Variants in ZNF592 observed in about 807,000 individuals in gnomAD.
ZNF592 encodes the protein zinc finger protein 592.
A neutral mutation model predicts 80.3 loss-of-function variants in ZNF592; 11 were observed. The ratio of observed to expected loss-of-function variants is 0.14; its 90% CI spans 0.09 to 0.23. The LOEUF is 0.23. ZNF592 is among the 10% of genes least tolerant of loss of function. The pLI, the probability that ZNF592 is intolerant of heterozygous loss-of-function variation, is 1.00. For missense variants in ZNF592, 1,420 were observed against 1,633.9 expected, an observed-to-expected ratio of 0.87 and a Z score of 2.26; for synonymous variants, 646 against 640.3, an observed-to-expected ratio of 1.01 and a Z score of -0.13.
At chr15:84,797,160 A>G (rs1432342783) in intron 5 of ZNF592, among the ~76,000 whole-genome samples, 3 of 152,172 alleles carry the variant, frequency 2.0e-5, no homozygotes, top group Non-Finnish European at 2.9e-5. Flanking sequence ...GGGTTTTGCT[A>G]TGTCGGCCAT....
chr15:84,783,755 C>G lies in ZNF592; in HGVS notation c.1080C>G (p.Gly360=). The G allele has an allele frequency of 6.2e-7, 1 of 1,614,226 alleles. No homozygotes were observed. The highest frequency in any genetic ancestry group is 1.3e-5 in the African/African-American group (1 of 75,056). The change falls in exon 4 of 11, where the codon GGC becomes GGG. Residue 360 remains glycine (G), a synonymous_variant. Transcript: ENST00000560079. This position sits in a 1 kb window ranked among gnomAD's most constrained non-coding sequence, Gnocchi z 5.0. ...RSICSDSSSK[G]SPSVAASSPP... ...TCTGCAGTGACAGCAGCAGCAAAGG[C>G]TCACCGTCTGTGGCTGCCAGCTCCC... is the stretch of plus-strand genomic sequence containing the variant.
chr15:84,782,844 T>C lies in ZNF592; in HGVS notation c.169T>C (p.Ser57Pro), dbSNP rs145206161. 6.2e-7 allele frequency: 1 copy of C among 1,613,972 alleles called. No individual in the cohort carries two copies. The highest frequency in any genetic ancestry group is 1.3e-5 in the African/African-American group (1 of 74,872). The change falls in exon 4 of 11, where the codon TCA becomes CCA. Residue 57 changes from serine (S) to proline (P), a missense_variant. Coordinates refer to ENST00000560079, the MANE Select transcript of ZNF592 (RefSeq NM_014630.3). Reference protein sequence around the residue: ...CMDESVSLSHSGSAPDVPAVS... With the variant: ...CMDESVSLSHPGSAPDVPAVS... ...GGATGAAAGTGTGTCCTTGTCTCAC[T>C]CAGGATCAGCCCCCGATGTGCCGGC...
rs769350772 is a variant in ZNF592 at position 84,783,891 on chromosome 15, G to A, written c.1216G>A (p.Val406Ile). 3 of 1,614,178 alleles carry A rather than the reference G, an allele frequency of 1.9e-6. No individual in the cohort carries two copies. The highest frequency in any genetic ancestry group is 2.2e-5 in the South Asian group (2 of 91,084). ...TCCTGATGATCCAAGTAAGTCCCCT[G>A]TTGGGTCACCTCTAGGGAGCGCCAT... ...PDPDDPSKSP[V>I]GSPLGSAIAE... Residue 406 changes from valine to isoleucine, a missense_variant, in exon 4 of 11, where the codon GTT (valine) becomes ATT (isoleucine). Physicochemically the swap from Val to Ile is conservative, Grantham distance 29 (BLOSUM62 3). This residue lies in a region of ZNF592 where 524 missense variants were observed against 628.3 expected (regional missense o/e 0.83). Transcript: ENST00000560079. This position sits in a 1 kb window ranked among gnomAD's most constrained non-coding sequence, Gnocchi z 5.0.
At chr15:84,764,594 G>T (rs1193570862) in intron 1 of ZNF592, 113 bp from the exon 2 acceptor site, 1 of 390,080 alleles carries the variant, frequency 2.6e-6, no homozygotes, top group Admixed American at 4.5e-5. Flanking sequence ...TTTTTCTCAG[G>T]GTCTTACTTA....
At chr15:84,801,364 G>T (rs555277707) in intron 10 of ZNF592, among the ~76,000 whole-genome samples, 11 of 152,208 alleles carry the variant, frequency 7.2e-5, no homozygotes, top group African/African-American at 2.6e-4. Context: ...GCTGGGTTTG[G>T]TGATGTTCAC....
chr15:84,771,041 G>T (rs1481001586), intron 2 of ZNF592, among the ~76,000 whole-genome samples: 2 of 152,126 alleles, frequency 1.3e-5, no homozygotes, highest in Non-Finnish European at 2.9e-5. Flanking sequence ...TCAGCCAGGG[G>T]GTTGAAGAGA....
intron 1 of ZNF592, among the ~76,000 whole-genome samples, chr15:84,760,954 G>T (rs1229432926): frequency 6.6e-6 from 1 of 151,690 alleles, no homozygotes; most frequent in African/African-American, 2.4e-5. Context: ...AATATGGTAG[G>T]CTACAGGAAG....
intron 5 of ZNF592, among the ~76,000 whole-genome samples, chr15:84,795,515 G>A (rs758384471): frequency 2.0e-5 from 3 of 152,174 alleles, no homozygotes; most frequent in Non-Finnish European, 4.4e-5. Flanking sequence ...AGTAGCATTC[G>A]AAAAGAATGT....
rs1198164420 is a variant in ZNF592, at chr15:84,803,910, A to T, written c.*1517A>T. 1 of 152,254 alleles carries T rather than the reference A, an allele frequency of 6.6e-6. No individual in the cohort carries two copies. Among genetic ancestry groups the T allele is most frequent in the Non-Finnish European group, 1.5e-5 (1 of 68,080 alleles). 9.4% of individuals were successfully genotyped at this position (152,254 alleles called of 1,614,324 possible). A position where few individuals can be genotyped will look rare whatever the true frequency, so the allele number is the denominator to read the frequency against. ...GCGCCCAGCAGGATGTAGTGGAGTAAAGGGAAGAGGGTGCTGGCCGGGTGC... is the reference window on the plus strand; with the variant it reads ...GCGCCCAGCAGGATGTAGTGGAGTATAGGGAAGAGGGTGCTGGCCGGGTGC... On this transcript the variant is annotated 3_prime_UTR_variant, in exon 11 of 11. Coordinates refer to ENST00000560079, the MANE Select transcript of ZNF592 (RefSeq NM_014630.3).
chr15:84,770,128 G>C (rs1253810665), intron 2 of ZNF592, among the ~76,000 whole-genome samples: 1 of 152,154 alleles, frequency 6.6e-6, no homozygotes, highest in Non-Finnish European at 1.5e-5. Flanking sequence ...ATGTGCTTGT[G>C]GATTGGATGA....
chr15:84,775,710 A>G (rs988210523), intron 2 of ZNF592, among the ~76,000 whole-genome samples: 5 of 152,212 alleles, frequency 3.3e-5, no homozygotes, highest in African/African-American at 4.8e-5. Context: ...GATTACAGGC[A>G]TGAGCCACTG....
intron 1 of ZNF592, among the ~76,000 whole-genome samples, chr15:84,755,065 A>G (rs1899129064): frequency 6.9e-6 from 1 of 144,674 alleles, no homozygotes; most frequent in Admixed American, 7.1e-5. Flanking sequence ...TCCCAGGTTC[A>G]GGTGATCTCA....
At chr15:84,751,904 C>CA (rs1214893875) in intron 1 of ZNF592, among the ~76,000 whole-genome samples, 1 of 151,942 alleles carries the variant, frequency 6.6e-6, no homozygotes, top group Non-Finnish European at 1.5e-5. Context: ...GACTCCATCT[C>CA]AAAAAACAAA....
At position 84,782,653 on chromosome 15, in the gene ZNF592, A is replaced by G. The variant is rs369319306; in HGVS notation, c.-19-4A>G. The stretch of plus-strand genomic sequence containing the variant: ...ACTGATTCTGTTTTCTGTTTCTGTT[A>G]CAGCCCTTGCCAGCATCCAGCCATG... On this transcript the variant is annotated splice_region_variant and splice_polypyrimidine_tract_variant and intron_variant, in intron 3 of 10. Coordinates refer to ENST00000560079, the MANE Select transcript of ZNF592 (RefSeq NM_014630.3). 4.3e-6 allele frequency: 7 copies of G among 1,613,778 alleles called. No homozygotes were observed. Among genetic ancestry groups the G allele is most frequent in the African/African-American group, 1.3e-5 (1 of 74,874 alleles).
Position 84,784,906 on chromosome 15 carries a change from C to T in ZNF592, c.2220+11C>T. 1.2e-6 allele frequency: 2 copies of T among 1,614,036 alleles called. No individual in the cohort carries two copies. On this transcript the variant is annotated intron_variant, in intron 4 of 10. Transcript: ENST00000560079. The surrounding 1 kb of genome is among the most constrained non-coding windows in gnomAD (Gnocchi z 5.8). ...GAGACAGAGGGGCTGGTAAGCAGAC[C>T]CTCACTGTTACGGGTATCGGGCCCC... is the stretch of plus-strand genomic sequence containing the variant.
chr15:84,757,339 CTTTT>C (rs34466288), intron 1 of ZNF592, among the ~76,000 whole-genome samples: 4 of 120,754 alleles, frequency 3.3e-5, no homozygotes, highest in Non-Finnish European at 3.4e-5. Context: ...TCTTTCTTTC[CTTTT>C]TTTTTTTTTT....
In ZNF592 at chr15:84,783,282, A is replaced by G. The variant is rs145256267; in HGVS notation, c.607A>G (p.Lys203Glu). 29 of 1,614,092 alleles carry G rather than the reference A, an allele frequency of 1.8e-5. No individual in the cohort carries two copies. Among genetic ancestry groups the G allele is most frequent in the Non-Finnish European group, 2.4e-5 (28 of 1,180,050 alleles). ...GCATATGTTTGATCATTTTTGTAAG[A>G]AAGAACCCAAGCCAGAACCCCTGCC... The part of the protein sequence containing the change: ...ELHMFDHFCK[K>E]EPKPEPLPLG... Residue 203 changes from lysine to glutamate, a missense_variant, in exon 4 of 11, where the codon AAA (lysine) becomes GAA (glutamate). Lys to Glu is a moderately conservative substitution (Grantham distance 56). Around this residue, in one of 7 missense-constraint regions of ZNF592, gnomAD observed 373 missense variants for 355.5 expected, o/e 1.05. Coordinates refer to ENST00000560079, the MANE Select transcript of ZNF592 (RefSeq NM_014630.3). The surrounding 1 kb of genome is among the most constrained non-coding windows in gnomAD (Gnocchi z 5.0).
At chr15:84,768,684 C>T (rs1201053612) in intron 2 of ZNF592, among the ~76,000 whole-genome samples, 1 of 152,066 alleles carries the variant, frequency 6.6e-6, no homozygotes, top group African/African-American at 2.4e-5. Flanking sequence ...CCAATAGGCA[C>T]CCCCCACTGA....
intron 1 of ZNF592, among the ~76,000 whole-genome samples, chr15:84,758,764 A>C (rs1352648999): frequency 6.6e-6 from 1 of 151,772 alleles, no homozygotes; most frequent in Non-Finnish European, 1.5e-5. Flanking sequence ...ATCCAAAAAA[A>C]AAAAAAAAAA....
Sources: gnomAD v4.1 joint callset for allele counts (sites outside exome capture counted in the v4.1 genomes callset) on GRCh38, gnomAD v4.1.1 for gene constraint, gnomAD v4.1.1 regional missense constraint, Gnocchi (gnomAD v3.1) non-coding constraint, MANE v1.5 for transcripts, NCBI Gene and HGNC (gene_info 2026-07-23, HGNC 2026-07-21) for gene names.